SMIM14: variants seen among roughly 807,000 people sequenced by gnomAD.
SMIM14 encodes chromosome 4 open reading frame 34.
A neutral mutation model predicts 12.6 loss-of-function variants in SMIM14; 5 were observed. The observed-to-expected ratio is 0.40, with a 90% confidence interval of 0.21 to 0.83. SMIM14 has a LOEUF of 0.83. Ranked by LOEUF, SMIM14 falls within the 40% of genes least tolerant of loss-of-function variation. SMIM14 has a pLI of 0.37. For missense variants in SMIM14, 86 were observed against 119.1 expected (o/e 0.72, Z 1.29); for synonymous variants, 30 against 40.1 (o/e 0.75, Z 0.95).
chr4:39,586,894 T>C (rs1380089934), intron 2 of SMIM14, among the ~76,000 whole-genome samples: 1 of 152,164 alleles, frequency 6.6e-6, no homozygotes, highest in African/African-American at 2.4e-5. Flanking sequence ...GTTCCCAGTG[T>C]GGGTCCTCTT....
chr4:39,615,231 G>A lies in SMIM14; in HGVS notation c.-35-10051C>T, dbSNP rs761460009. On this transcript the variant is annotated intron_variant, in intron 1 of 4. Coordinates refer to ENST00000295958, the MANE Select transcript of SMIM14 (RefSeq NM_174921.3). Reference sequence around the variant, plus strand: ...ATTACAGGCGTGAGCCACGACCTCCGGCCCGAATGTAAGATATTAATATTA... The same window carrying A: ...ATTACAGGCGTGAGCCACGACCTCCAGCCCGAATGTAAGATATTAATATTA... Among the ~76,000 whole-genome samples the A allele has an allele frequency of 2.0e-5, 3 of 152,048 alleles. No homozygotes were observed. The South Asian group carries it at 6.2e-4, about 32-fold the overall frequency.
At chr4:39,629,546 C>G (rs1339918942) in intron 1 of SMIM14, among the ~76,000 whole-genome samples, 1 of 150,302 alleles carries the variant, frequency 6.7e-6, no homozygotes, top group Non-Finnish European at 1.5e-5. Context: ...GAGCTCAAGC[C>G]ATCTTCCCAC....
intron 1 of SMIM14, among the ~76,000 whole-genome samples, chr4:39,622,763 TA>T (rs1325325978): frequency 6.6e-6 from 1 of 152,214 alleles, no homozygotes; most frequent in Non-Finnish European, 1.5e-5. Context: ...AAAGAAAACA[TA>T]AAACTTTAAC....
intron 2 of SMIM14, among the ~76,000 whole-genome samples, chr4:39,572,848 T>C (rs1712972506): frequency 6.6e-6 from 1 of 151,814 alleles, no homozygotes; most frequent in Non-Finnish European, 1.5e-5. Flanking sequence ...TTTTCTTTTG[T>C]TTTTTTGAGA....
intron 2 of SMIM14, among the ~76,000 whole-genome samples, chr4:39,602,183 A>G (rs1714643373): frequency 6.6e-6 from 1 of 151,078 alleles, no homozygotes; most frequent in South Asian, 2.1e-4. Flanking sequence ...TGGGAGACAG[A>G]GGTTGCAGTG....
At chr4:39,590,021 TCA>T (rs1491163317) in intron 2 of SMIM14, among the ~76,000 whole-genome samples, 1 of 65,906 alleles carries the variant, frequency 1.5e-5, no homozygotes, top group African/African-American at 6.0e-5. Flanking sequence ...AGACTCTGTT[TCA>T]AAAAAAAAAA....
intron 2 of SMIM14, among the ~76,000 whole-genome samples, chr4:39,573,243 C>A (rs1712993533): frequency 6.6e-6 from 1 of 152,026 alleles, no homozygotes; most frequent in Admixed American, 6.6e-5. Flanking sequence ...TTACAGGCAC[C>A]CGCCACCACA....
chr4:39,589,937 G>T (rs1713975556), intron 2 of SMIM14, among the ~76,000 whole-genome samples: 1 of 149,270 alleles, frequency 6.7e-6, no homozygotes. Context: ...ATACTCAGGA[G>T]GCTGAGACAT....
intron 1 of SMIM14, among the ~76,000 whole-genome samples, chr4:39,616,137 T>C (rs918944398): frequency 1.3e-5 from 2 of 152,116 alleles, no homozygotes; most frequent in Non-Finnish European, 2.9e-5. Context: ...AATTTTGTTG[T>C]TGTTGTTGTT....
Position 39,590,801 on chromosome 4 carries a change from C to CAAA in SMIM14, c.75+14267_75+14269dup, listed in dbSNP as rs199795378. The stretch of plus-strand genomic sequence containing the variant: ...TGGGAGACAGGGCAACACTCTGTCT[C>CAAA]AAAAAAAAAAAAAAAAAATTCCATA... On this transcript the variant is annotated intron_variant, in intron 2 of 4. Transcript: ENST00000295958. Among the ~76,000 whole-genome samples the CAAA allele has an allele frequency of 4.8e-3, 543 of 111,996 alleles. 2 individuals carry two copies. The highest frequency in any genetic ancestry group is 0.021 in the African/African-American group (512 of 24,896). The allele number at this position is 111,996 out of a possible 152,430, so 73.5% of individuals were successfully genotyped here.
intron 2 of SMIM14, among the ~76,000 whole-genome samples, chr4:39,586,343 A>T (rs918220916): frequency 6.6e-6 from 1 of 152,016 alleles, no homozygotes; most frequent in Non-Finnish European, 1.5e-5. Context: ...TCAGCTAAGT[A>T]TCCAACTTCA....
chr4:39,562,826 T>TTTTTTTTTTTTTTTTG (rs1468841089), intron 3 of SMIM14, among the ~76,000 whole-genome samples: 5 of 150,752 alleles, frequency 3.3e-5, no homozygotes, highest in Non-Finnish European at 5.9e-5. Flanking sequence ...GTATTTTTAG[T>TTTTTTTTTTTTTTTTG]AGAGACGGTG....
chr4:39,596,247 CACCACGCCTGGCT>C (rs2110046480), intron 2 of SMIM14, among the ~76,000 whole-genome samples: 1 of 152,236 alleles, frequency 6.6e-6, no homozygotes, highest in East Asian at 1.9e-4. Context: ...AGGCATGTGC[CACCACGCCTGGCT>C]AATTTTGCAT....
At chr4:39,581,246 A>C (rs1713476000) in intron 2 of SMIM14, among the ~76,000 whole-genome samples, 2 of 152,128 alleles carry the variant, frequency 1.3e-5, no homozygotes, top group African/African-American at 4.8e-5. Flanking sequence ...TTTTATGCCT[A>C]AACATTTTAT....
At chr4:39,571,250 T>C (rs1712864466) in intron 3 of SMIM14, among the ~76,000 whole-genome samples, 1 of 152,026 alleles carries the variant, frequency 6.6e-6, no homozygotes, top group Non-Finnish European at 1.5e-5. Flanking sequence ...ACCCAAAGTT[T>C]CCACACATGG....
intron 1 of SMIM14, among the ~76,000 whole-genome samples, chr4:39,633,656 G>A (rs1373572230): frequency 6.6e-6 from 1 of 152,128 alleles, no homozygotes; most frequent in African/African-American, 2.4e-5. Context: ...TACTCAGGAG[G>A]CAGAGGTGGG....
At chr4:39,574,609 G>A (rs1476354803) in intron 2 of SMIM14, among the ~76,000 whole-genome samples, 1 of 152,064 alleles carries the variant, frequency 6.6e-6, no homozygotes, top group African/African-American at 2.4e-5. Context: ...CAGTTTCCTC[G>A]TCTGGTAAAA....
intron 2 of SMIM14, among the ~76,000 whole-genome samples, chr4:39,578,425 T>C (rs1713312948): frequency 6.6e-6 from 1 of 152,196 alleles, no homozygotes; most frequent in African/African-American, 2.4e-5. Flanking sequence ...GATGTTGATT[T>C]TGTCTACTCC....
In SMIM14 at chr4:39,605,093, G is replaced by A. The variant is rs752876008; in HGVS notation, c.53C>T (p.Ala18Val). 6.2e-7 allele frequency: 1 copy of A among 1,607,314 alleles called. No individual in the cohort carries two copies. The highest frequency in any genetic ancestry group is 1.3e-5 in the African/African-American group (1 of 74,800). The change falls in exon 2 of 5, where the codon GCA becomes GTA. Residue 18 changes from alanine to valine, a missense_variant. Transcript: ENST00000295958. Reference protein sequence around the residue: ...PCECVCSHEHAMRRLINLLRQ... With the variant: ...PCECVCSHEHVMRRLINLLRQ... ...CACCAGATTGATCAGTCTTCTCATT[G>A]CATGTTCATGAGAGCAAACACATTC... is the stretch of plus-strand genomic sequence containing the variant.
Sources: allele counts gnomAD v4.1 joint callset (sites outside exome capture counted in the v4.1 genomes callset), GRCh38; gene constraint gnomAD v4.1.1; transcripts MANE v1.5; gene names NCBI Gene and HGNC (gene_info 2026-07-23, HGNC 2026-07-21).